Variants in RRP1B observed in about 807,000 individuals in gnomAD.
RRP1B encodes the protein ribosomal RNA processing 1B, also known as ribosomal RNA processing protein 1 homolog B.
Under a neutral mutation model 80.2 loss-of-function variants are expected in RRP1B, and 56 were observed. The ratio of observed to expected loss-of-function variants is 0.70; its 90% CI spans 0.56 to 0.87. RRP1B has a LOEUF of 0.87. Among genes scored for constraint, RRP1B ranks in the 40% least tolerant of loss-of-function variants. The pLI, the probability that RRP1B is intolerant of heterozygous loss-of-function variation, is 0.00. For missense variants in RRP1B, 807 were observed against 939.8 expected (o/e 0.86, Z 1.85); for synonymous variants, 351 against 357.6 (o/e 0.98, Z 0.21).
At chr21:43,674,933 T>A in intron 5 of RRP1B, 101 bp from the exon 6 acceptor site, 3 of 1,445,124 alleles carry the variant, frequency 2.1e-6, no homozygotes, top group Non-Finnish European at 2.8e-6. Flanking sequence ...GCATTGATTG[T>A]TAGGCTGTGT....
intron 12 of RRP1B, among the ~76,000 whole-genome samples, chr21:43,687,299 G>A (rs2083067070): frequency 6.6e-6 from 1 of 152,138 alleles, no homozygotes; most frequent in Non-Finnish European, 1.5e-5. Context: ...GTTTATAAAC[G>A]GACAGAAGGA....
intron 5 of RRP1B, 107 bp from the exon 6 acceptor site, chr21:43,674,927 T>C: frequency 7.0e-7 from 1 of 1,433,624 alleles, no homozygotes; most frequent in Non-Finnish European, 9.5e-7. Flanking sequence ...AGCCTTGCAT[T>C]GATTGTTAGG....
chr21:43,691,882 G>A lies in RRP1B; in HGVS notation c.2083+380G>A, dbSNP rs1005062806. On this transcript the variant is annotated intron_variant, in intron 15 of 15. Transcript: ENST00000340648. This position sits in a 1 kb window ranked among gnomAD's most constrained non-coding sequence, Gnocchi z 4.2. ...GGCTGGTCTCAAACTCCTGACCTCA[G>A]GTGATCTGCCTGCCTCGGCCTCCCA... Among the ~76,000 whole-genome samples the A allele has an allele frequency of 6.6e-6, 1 of 152,034 alleles. No homozygotes were observed. Among genetic ancestry groups the A allele is most frequent in the Non-Finnish European group, 1.5e-5 (1 of 67,998 alleles).
rs751437871 is a variant in RRP1B at position 43,676,762 on chromosome 21, G to T, written c.644G>T (p.Gly215Val). The T allele has an allele frequency of 6.2e-7, 1 of 1,614,216 alleles. No individual in the cohort carries two copies. Among genetic ancestry groups the T allele is most frequent in the East Asian group, 2.2e-5 (1 of 44,890 alleles). ...ACCCTGGTACAGACCATAGCTCGGG[G>T]TGTCTTCGAAGCTATCGTAGATCAG... The part of the protein sequence containing the change: ...DHTLVQTIAR[G>V]VFEAIVDQSP... The change falls in exon 8 of 16, where the codon GGT (glycine) becomes GTT (valine). Residue 215 changes from glycine (G) to valine (V), a missense_variant. Coordinates refer to ENST00000340648, the MANE Select transcript of RRP1B (RefSeq NM_015056.3).
Position 43,687,984 on chromosome 21 carries a change from T to G in RRP1B, c.1610T>G (p.Leu537Arg), listed in dbSNP as rs1158431222. Reference sequence around the variant, plus strand: ...GTTGTGCCCGTCAATGGCAGTGGCCTGTCCACGCCGGCCTGGCCTCCATTG... The same window carrying G: ...GTTGTGCCCGTCAATGGCAGTGGCCGGTCCACGCCGGCCTGGCCTCCATTG... ...LGVVPVNGSG[L>R]STPAWPPLQQ... Residue 537 changes from leucine (L) to arginine (R), a missense_variant, in exon 13 of 16, where the codon CTG becomes CGG. Coordinates refer to ENST00000340648, the MANE Select transcript of RRP1B (RefSeq NM_015056.3). The G allele has an allele frequency of 6.2e-7, 1 of 1,612,990 alleles. No homozygotes were observed.
intron 1 of RRP1B, among the ~76,000 whole-genome samples, chr21:43,660,770 G>T (rs1392280621): frequency 6.6e-6 from 1 of 152,084 alleles, no homozygotes; most frequent in Non-Finnish European, 1.5e-5. Context: ...CAATAAGTTG[G>T]GGTTGGGGGG....
In RRP1B at chr21:43,673,948, A is replaced by G. The variant is rs1253720316; in HGVS notation, c.350A>G (p.Tyr117Cys). ...KGIDRLRLDK[Y>C]YMLIRLVLRQ... is the part of the protein sequence containing the mutation. ...ATAGACAGGCTACGCCTGGACAAATACTATATGGTAAGATCTGCCGCAGTT... is the reference window on the plus strand; with the variant it reads ...ATAGACAGGCTACGCCTGGACAAATGCTATATGGTAAGATCTGCCGCAGTT... The change falls in exon 4 of 16, where the codon TAC becomes TGC. Residue 117 changes from tyrosine to cysteine, a missense_variant. Coordinates refer to ENST00000340648, the MANE Select transcript of RRP1B (RefSeq NM_015056.3). 1 of 1,608,916 alleles carries G rather than the reference A, an allele frequency of 6.2e-7. No individual in the cohort carries two copies. The highest frequency in any genetic ancestry group is 1.1e-5 in the South Asian group (1 of 90,668).
intron 1 of RRP1B, 82 bp from the exon 2 acceptor site, chr21:43,669,802 G>A: frequency 3.3e-6 from 3 of 919,530 alleles, no homozygotes; most frequent in Non-Finnish European, 5.1e-6. Flanking sequence ...GAATTAAAAT[G>A]TATGTGATAC....
At chr21:43,682,285 T>C (rs925089748) in intron 8 of RRP1B, among the ~76,000 whole-genome samples, 39 of 152,242 alleles carry the variant, frequency 2.6e-4, no homozygotes, top group Admixed American at 1.2e-3. Context: ...GGACGTTCCC[T>C]CCCAGTTGCG....
chr21:43,660,158 G>A (rs1357240402), intron 1 of RRP1B, among the ~76,000 whole-genome samples: 1 of 152,210 alleles, frequency 6.6e-6, no homozygotes, highest in Non-Finnish European at 1.5e-5. Context: ...TGACGGGGCT[G>A]CAGGAGAGAA....
chr21:43,680,131 G>A (rs749349234), intron 8 of RRP1B, among the ~76,000 whole-genome samples: 7 of 152,050 alleles, frequency 4.6e-5, no homozygotes, highest in African/African-American at 9.7e-5. Flanking sequence ...TTGTATCATC[G>A]GCAAACACGG....
chr21:43,659,846 G>A lies in RRP1B; in HGVS notation c.130+52G>A. The stretch of plus-strand genomic sequence containing the variant: ...GCCACATGGCGGGCCGGGGGCCGGG[G>A]CTGGGGCTAGGGCCAGGGCCCCGGC... On this transcript the variant is annotated intron_variant, in intron 1 of 15. Transcript: ENST00000340648. This position sits in a 1 kb window ranked among gnomAD's most constrained non-coding sequence, Gnocchi z 4.2. 2.0e-6 allele frequency: 3 copies of A among 1,464,854 alleles called. No homozygotes were observed. The highest frequency in any genetic ancestry group is 2.7e-6 in the Non-Finnish European group (3 of 1,101,716). The allele number at this position is 1,464,854 out of a possible 1,614,324, so 90.7% of individuals were successfully genotyped here. A position where few individuals can be genotyped will look rare whatever the true frequency, so the allele number is the denominator to read the frequency against.
In RRP1B at chr21:43,688,018, A is replaced by G. The variant is rs2083071099; in HGVS notation, c.1644A>G (p.Glu548=). The G allele has an allele frequency of 1.2e-6, 2 of 1,612,344 alleles. No homozygotes were observed. The highest frequency in any genetic ancestry group is 4.5e-5 in the East Asian group (2 of 44,860). ...CGGCCTGGCCTCCATTGCAGCAGGA[A>G]GGCCCTCCCACAGGCCCCGCAGAGG... is the stretch of plus-strand genomic sequence containing the variant. ...STPAWPPLQQ[E]GPPTGPAEGA... The change falls in exon 13 of 16, where the codon GAA becomes GAG. Residue 548 remains glutamate, a synonymous_variant. Transcript: ENST00000340648.
intron 6 of RRP1B, among the ~76,000 whole-genome samples, 177 bp downstream of exon 6, chr21:43,675,340 T>C (rs9978403): frequency 0.053 from 8,036 of 152,212 alleles, 710 homozygotes; most frequent in African/African-American, 0.18. Context: ...ATTTGTGCAC[T>C]GAGGATGTAC....
In RRP1B at chr21:43,694,339, T is replaced by TA. The variant is rs1568962593; in HGVS notation, c.*957dup. The TA allele has an allele frequency of 1.3e-5, 2 of 152,248 alleles. No homozygotes were observed. Among genetic ancestry groups the TA allele is most frequent in the Admixed American group, 1.3e-4 (2 of 15,286 alleles). The allele number at this position is 152,248 out of a possible 1,614,324, so 9.4% of individuals were successfully genotyped here. A position where few individuals can be genotyped will look rare whatever the true frequency, so the allele number is the denominator to read the frequency against. On this transcript the variant is annotated 3_prime_UTR_variant, in exon 16 of 16. Transcript: ENST00000340648. ...CCTCTCAAATGCGGAAGCGTGCACT[T>TA]ACAGTTCAGACCGTTCTCCTGTAAG... is the stretch of plus-strand genomic sequence containing the variant.
rs143061656 is a variant in RRP1B, at chr21:43,692,197, T to C, written c.2083+695T>C. 1.5e-3 allele frequency among the ~76,000 whole-genome samples: 222 copies of C among 152,244 alleles called. 2 individuals carry two copies. The highest frequency in any genetic ancestry group is 5.1e-3 in the African/African-American group (212 of 41,486). On this transcript the variant is annotated intron_variant, in intron 15 of 15. Transcript: ENST00000340648. ...AGCTGTAGCTGTCTCTCTGCGAAAC[T>C]TCGGAACCACTTGCTTCTTGGGCGA...
intron 4 of RRP1B, among the ~76,000 whole-genome samples, chr21:43,674,434 G>A (rs2083012780): frequency 6.6e-6 from 1 of 152,148 alleles, no homozygotes; most frequent in African/African-American, 2.4e-5. Context: ...TGGGGTTACA[G>A]GCATGAGCCA....
chr21:43,675,159 A>T lies in RRP1B; in HGVS notation c.545A>T (p.Lys182Met), dbSNP rs2083016770. The T allele has an allele frequency of 6.2e-7, 1 of 1,613,920 alleles. No individual in the cohort carries two copies. Among genetic ancestry groups the T allele is most frequent in the Non-Finnish European group, 8.5e-7 (1 of 1,179,998 alleles). ...GATGAACTCTCCAAAGTCGGGGGGA[A>T]GGAGGTAAGCAGCTGCCGACAGGCT... ...YLDELSKVGGKELLADQNLKF... is the reference protein window; with the variant it reads ...YLDELSKVGGMELLADQNLKF... Residue 182 changes from lysine to methionine, a missense_variant, in exon 6 of 16, where the codon AAG (lysine) becomes ATG (methionine). Transcript: ENST00000340648.
Position 43,691,512 on chromosome 21 carries a change from GT to G in RRP1B, c.2083+14del, listed in dbSNP as rs747250074. The stretch of plus-strand genomic sequence containing the variant: ...AGAAACATGACTGCCGGTAAGTGGG[GT>G]TTTGCCAGCGGCAAGCTTCTCTGGA... On this transcript the variant is annotated intron_variant, in intron 15 of 15. Coordinates refer to ENST00000340648, the MANE Select transcript of RRP1B (RefSeq NM_015056.3). This position sits in a 1 kb window ranked among gnomAD's most constrained non-coding sequence, Gnocchi z 4.2. 1 of 1,613,766 alleles carries G rather than the reference GT, an allele frequency of 6.2e-7. No homozygotes were observed. Among genetic ancestry groups the G allele is most frequent in the East Asian group, 2.2e-5 (1 of 44,890 alleles).
Sources: allele counts gnomAD v4.1 joint callset (sites outside exome capture counted in the v4.1 genomes callset), GRCh38; gene constraint gnomAD v4.1.1; non-coding constraint Gnocchi (gnomAD v3.1); transcripts MANE v1.5; gene names NCBI Gene and HGNC (gene_info 2026-07-23, HGNC 2026-07-21).